Variants in SERINC5 observed in about 807,000 individuals in gnomAD.
SERINC5 encodes the protein chromosome 5 open reading frame 12.
Under a neutral mutation model 63.1 loss-of-function variants are expected in SERINC5, and 41 were observed. The ratio of observed to expected loss-of-function variants is 0.65; its 90% CI spans 0.51 to 0.84. The LOEUF is 0.84. Among genes scored for constraint, SERINC5 ranks in the 40% least tolerant of loss-of-function variants. The probability of loss-of-function intolerance (pLI) is 0.00; values close to 1 mark genes in which losing one functional copy is unlikely to be tolerated. For missense variants in SERINC5, 523 were observed against 573.0 expected, an observed-to-expected ratio of 0.91 and a Z score of 0.89; for synonymous variants, 222 against 215.2, an observed-to-expected ratio of 1.03 and a Z score of -0.28.
At chr5:80,188,282 CAAAAAAAAAA>C (rs34863168) in intron 2 of SERINC5, among the ~76,000 whole-genome samples, 9 of 82,794 alleles carry the variant, frequency 1.1e-4, no homozygotes, top group Admixed American at 2.9e-4. Context: ...GACTCCGTCT[CAAAAAAAAAA>C]AAAAAAAAAA....
At chr5:80,254,645 T>A (rs1752568573) in intron 1 of SERINC5, among the ~76,000 whole-genome samples, 1 of 152,200 alleles carries the variant, frequency 6.6e-6, no homozygotes. Flanking sequence ...TCTTTCCTGG[T>A]CCACCTTGTT....
chr5:80,248,294 A>G (rs138702307), intron 1 of SERINC5, among the ~76,000 whole-genome samples: 1 of 152,192 alleles, frequency 6.6e-6, no homozygotes, highest in Non-Finnish European at 1.5e-5. Context: ...AGGTGACTTG[A>G]ACGACTTGAA....
chr5:80,164,791 T>C (rs888628146), intron 7 of SERINC5, among the ~76,000 whole-genome samples: 3 of 152,194 alleles, frequency 2.0e-5, no homozygotes, highest in African/African-American at 7.2e-5. Flanking sequence ...TTTCTGCTTT[T>C]TTCATATAGG....
At chr5:80,250,640 T>C (rs1481399171) in intron 1 of SERINC5, among the ~76,000 whole-genome samples, 2 of 152,224 alleles carry the variant, frequency 1.3e-5, no homozygotes, top group Non-Finnish European at 2.9e-5. Flanking sequence ...ATCATCATTA[T>C]TGTATGTGGT....
chr5:80,219,834 C>T (rs959248299), intron 1 of SERINC5, among the ~76,000 whole-genome samples: 1 of 151,654 alleles, frequency 6.6e-6, no homozygotes, highest in Non-Finnish European at 1.5e-5. Context: ...CTTACATCAC[C>T]ACCCGCCAAC....
intron 11 of SERINC5, among the ~76,000 whole-genome samples, chr5:80,119,570 C>T (rs180987371): frequency 1.1e-4 from 16 of 152,324 alleles, no homozygotes; most frequent in Non-Finnish European, 1.9e-4. Flanking sequence ...CCACATGACG[C>T]CATTCCTACA....
chr5:80,193,656 T>C (rs891611451), intron 2 of SERINC5, among the ~76,000 whole-genome samples: 5 of 152,202 alleles, frequency 3.3e-5, no homozygotes, highest in Non-Finnish European at 5.9e-5. Context: ...CAAACCTCTT[T>C]GTCCTTGGTT....
At chr5:80,152,475 C>T (rs1746251414) in intron 8 of SERINC5, among the ~76,000 whole-genome samples, 1 of 142,208 alleles carries the variant, frequency 7.0e-6, no homozygotes, top group South Asian at 2.2e-4. Flanking sequence ...GCCTGAGTGA[C>T]AGAAGGACCC....
intron 9 of SERINC5, among the ~76,000 whole-genome samples, chr5:80,148,906 C>A (rs1222070497): frequency 6.6e-6 from 1 of 152,142 alleles, no homozygotes; most frequent in African/African-American, 2.4e-5. Flanking sequence ...GAGGTATTAG[C>A]CTTAACAGGA....
rs143065903 is a variant in SERINC5 at position 80,158,726 on chromosome 5, T to TC, written c.986+109dup. ...TTCGCCTTTTTACTTGTGGTTATTT[T>TC]CCCCCCTCCTCAAATGGTTGCAGCC... On this transcript the variant is annotated intron_variant, in intron 8 of 11. Coordinates refer to ENST00000507668, the MANE Select transcript of SERINC5 (RefSeq NM_001174072.3). 5.4e-3 allele frequency: 5,473 copies of TC among 1,021,588 alleles called. 211 individuals carry two copies. The African/African-American group carries it at 0.076, about 14-fold the overall frequency. The allele number at this position is 1,021,588 out of a possible 1,614,324, so 63.3% of individuals were successfully genotyped here.
At position 80,140,979 on chromosome 5, in the gene SERINC5, T is replaced by C. The variant is rs909369472; in HGVS notation, c.*2684A>G. On this transcript the variant is annotated 3_prime_UTR_variant, in exon 12 of 12. Coordinates refer to ENST00000507668, the MANE Select transcript of SERINC5 (RefSeq NM_001174072.3). The stretch of plus-strand genomic sequence containing the variant: ...GTTAATCAAATTAACACCGTTGTTA[T>C]AGGAACTCAAAGCCATTGGCACAAT... 1 of 985,316 alleles carries C rather than the reference T, an allele frequency of 1.0e-6. No homozygotes were observed. The highest frequency in any genetic ancestry group is 1.7e-5 in the African/African-American group (1 of 57,246). The allele number at this position is 985,316 out of a possible 1,614,324, so 61.0% of individuals were successfully genotyped here.
intron 2 of SERINC5, among the ~76,000 whole-genome samples, chr5:80,191,271 A>G (rs994486269): frequency 6.6e-6 from 1 of 151,962 alleles, no homozygotes; most frequent in Non-Finnish European, 1.5e-5. Flanking sequence ...TCTACTTCAC[A>G]TTCTAGAATC....
At position 80,190,999 on chromosome 5, in the gene SERINC5, T is replaced by C. The variant is rs935258066; in HGVS notation, c.195+11887A>G. Among the ~76,000 whole-genome samples, 9 of 152,200 alleles carry C rather than the reference T, an allele frequency of 5.9e-5. No homozygotes were observed. In the East Asian group the frequency reaches 1.2e-3, roughly 20 times the overall value. On this transcript the variant is annotated intron_variant, in intron 2 of 11. Coordinates refer to ENST00000507668, the MANE Select transcript of SERINC5 (RefSeq NM_001174072.3). Reference sequence around the variant, plus strand: ...GATTGTTAAAGTTTAGGAGAGGCCATTGTTTTTGACTCCTGCACTAGGCCC... The same window carrying C: ...GATTGTTAAAGTTTAGGAGAGGCCACTGTTTTTGACTCCTGCACTAGGCCC...
At chr5:80,251,155 T>G (rs893750702) in intron 1 of SERINC5, among the ~76,000 whole-genome samples, 1 of 152,136 alleles carries the variant, frequency 6.6e-6, no homozygotes, top group African/African-American at 2.4e-5. Context: ...AGAACGCACC[T>G]GTAGTCCCAG....
rs58793514 is a variant in SERINC5 at position 80,234,572 on chromosome 5, A to G, written c.27+21324T>C. ...CAAAATGAAAACAGTGCTAGCAAAT[A>G]CAATTATAAAACATGATGAATTTCG... On this transcript the variant is annotated intron_variant, in intron 1 of 11. Transcript: ENST00000507668. Among the ~76,000 whole-genome samples, 1,414 of 152,332 alleles carry G rather than the reference A, an allele frequency of 9.3e-3. 28 individuals carry two copies. Among genetic ancestry groups the G allele is most frequent in the African/African-American group, 0.032 (1,318 of 41,560 alleles).
rs368629304 is a variant in SERINC5 at position 80,143,284 on chromosome 5, C to T, written c.*379G>A. On this transcript the variant is annotated 3_prime_UTR_variant, in exon 12 of 12. Transcript: ENST00000507668. ...AGGCGCTGGGGACTCAAGATTTTGG[C>T]ATGTTTTTCTATTCCGAGGATGAGA... 9.9e-7 allele frequency: 1 copy of T among 1,005,144 alleles called. No homozygotes were observed. 62.3% of individuals were successfully genotyped at this position (1,005,144 alleles called of 1,614,324 possible). A position where few individuals can be genotyped will look rare whatever the true frequency, so the allele number is the denominator to read the frequency against.
At chr5:80,222,689 C>T (rs1045789686) in intron 1 of SERINC5, among the ~76,000 whole-genome samples, 1 of 152,080 alleles carries the variant, frequency 6.6e-6, no homozygotes, top group Non-Finnish European at 1.5e-5. Context: ...TCTCCTGCCT[C>T]AGCCTCCCAA....
intron 1 of SERINC5, among the ~76,000 whole-genome samples, chr5:80,236,450 TTTAAA>T (rs1368540060): frequency 1.8e-4 from 27 of 152,274 alleles, no homozygotes; most frequent in Middle Eastern, 3.4e-3. Flanking sequence ...CAAAAATATG[TTTAAA>T]TTAATTCTCA....
chr5:80,244,350 G>A (rs779366934), intron 1 of SERINC5, among the ~76,000 whole-genome samples: 6 of 151,714 alleles, frequency 4.0e-5, no homozygotes, highest in Non-Finnish European at 4.4e-5. Context: ...TGAGTAGCTG[G>A]GATTACAGAT....
Sources: gnomAD v4.1 joint callset for allele counts (sites outside exome capture counted in the v4.1 genomes callset) on GRCh38, gnomAD v4.1.1 for gene constraint, MANE v1.5 for transcripts, NCBI Gene and HGNC (gene_info 2026-07-23, HGNC 2026-07-21) for gene names.